STAG1: variants seen among roughly 807,000 people sequenced by gnomAD.
STAG1 encodes STAG1 cohesin complex component.
In STAG1, 26 loss-of-function variants were observed where a neutral mutation model predicts 170.9. The observed-to-expected ratio is 0.15, with a 90% CI of 0.11 to 0.21. The LOEUF (loss-of-function observed/expected upper bound fraction) is 0.21, where lower values mean the gene tolerates loss of function less well. STAG1 is among the 10% of genes least tolerant of loss of function. The probability of loss-of-function intolerance (pLI) is 1.00; values close to 1 mark genes in which losing one functional copy is unlikely to be tolerated. For missense variants in STAG1, 964 were observed against 1,509.5 expected (o/e 0.64, Z 5.99); for synonymous variants, 514 against 497.7 (o/e 1.03, Z -0.44).
intron 9 of STAG1, among the ~76,000 whole-genome samples, chr3:136,496,250 G>C (rs1374499361): frequency 1.3e-5 from 2 of 152,166 alleles, no homozygotes; most frequent in Non-Finnish European, 2.9e-5. Context: ...TCAGTAAAGA[G>C]AGAGAAGACT....
chr3:136,664,080 G>A (rs1304943474), intron 1 of STAG1, among the ~76,000 whole-genome samples: 2 of 152,160 alleles, frequency 1.3e-5, no homozygotes, highest in Non-Finnish European at 2.9e-5. Context: ...TGACAGCAAG[G>A]CTGTCAGCTT....
chr3:136,704,821 CAAAAA>C (rs67207510), intron 1 of STAG1, among the ~76,000 whole-genome samples: 3 of 51,424 alleles, frequency 5.8e-5, no homozygotes, highest in Admixed American at 2.6e-4. Context: ...GTCCCTGTCT[CAAAAA>C]AAAAAAAAAA....
At chr3:136,713,291 A>C (rs1447972337) in intron 1 of STAG1, among the ~76,000 whole-genome samples, 2 of 152,012 alleles carry the variant, frequency 1.3e-5, no homozygotes, top group African/African-American at 2.4e-5. Flanking sequence ...AGACACAAAA[A>C]ATAGTGTGCA....
chr3:136,585,114 C>A (rs1937743530), intron 4 of STAG1, among the ~76,000 whole-genome samples: 1 of 152,076 alleles, frequency 6.6e-6, no homozygotes, highest in Non-Finnish European at 1.5e-5. Context: ...ATTATTTTAC[C>A]TGTCCTAGAT....
chr3:136,396,186 G>A (rs888994370), intron 22 of STAG1, among the ~76,000 whole-genome samples: 3 of 149,874 alleles, frequency 2.0e-5, no homozygotes, highest in Admixed American at 6.7e-5. Context: ...ACAGGCGTGA[G>A]CCGCCAGGCC....
chr3:136,493,394 C>T (rs1330949907), intron 9 of STAG1, among the ~76,000 whole-genome samples: 1 of 152,012 alleles, frequency 6.6e-6, no homozygotes. Context: ...ATGGCTCACA[C>T]CTGTAATCCC....
chr3:136,454,089 T>C (rs2089028749), intron 13 of STAG1, among the ~76,000 whole-genome samples: 1 of 152,132 alleles, frequency 6.6e-6, no homozygotes, highest in Non-Finnish European at 1.5e-5. Flanking sequence ...AACTGAAATA[T>C]ACCAATCTAT....
chr3:136,591,084 T>C (rs1228124374), intron 4 of STAG1, among the ~76,000 whole-genome samples: 2 of 151,534 alleles, frequency 1.3e-5, no homozygotes, highest in East Asian at 1.9e-4. Flanking sequence ...AGATTTGTTA[T>C]ATTAAGAAAG....
chr3:136,745,407 T>C (rs1934884157), intron 1 of STAG1, among the ~76,000 whole-genome samples: 1 of 152,158 alleles, frequency 6.6e-6, no homozygotes, highest in Non-Finnish European at 1.5e-5. Context: ...CCCCAACGTT[T>C]TTGGTACCAG....
chr3:136,532,570 T>C (rs976220755), intron 6 of STAG1, among the ~76,000 whole-genome samples: 1 of 152,142 alleles, frequency 6.6e-6, no homozygotes, highest in African/African-American at 2.4e-5. Context: ...TAATACACCA[T>C]GATCAAGCAA....
At chr3:136,412,995 T>C (rs533256114) in intron 21 of STAG1, among the ~76,000 whole-genome samples, 2 of 151,404 alleles carry the variant, frequency 1.3e-5, no homozygotes, top group East Asian at 3.9e-4. Context: ...CCTAAGTAGC[T>C]GGGATTACAG....
At chr3:136,680,719 T>C (rs2107886458) in intron 1 of STAG1, among the ~76,000 whole-genome samples, 1 of 151,592 alleles carries the variant, frequency 6.6e-6, no homozygotes, top group Non-Finnish European at 1.5e-5. Flanking sequence ...CATAACAAGA[T>C]AAAGAAACCT....
In STAG1 at chr3:136,446,471, G is replaced by C. The variant is rs576959498; in HGVS notation, c.1429-3067C>G. Among the ~76,000 whole-genome samples, 6 of 151,778 alleles carry C rather than the reference G, an allele frequency of 4.0e-5. No individual in the cohort carries two copies. In the East Asian group the frequency reaches 9.8e-4, roughly 25 times the overall value. On this transcript the variant is annotated intron_variant, in intron 14 of 33. Transcript: ENST00000383202. Reference sequence around the variant, plus strand: ...AGAGTCTCACTCTGTCGCCCAGCCTGGAATGCTACGGCATGATCTCGGCTC... The same window carrying C: ...AGAGTCTCACTCTGTCGCCCAGCCTCGAATGCTACGGCATGATCTCGGCTC...
intron 1 of STAG1, among the ~76,000 whole-genome samples, chr3:136,689,924 C>G (rs1389963172): frequency 6.6e-6 from 1 of 151,618 alleles, no homozygotes; most frequent in East Asian, 1.9e-4. Context: ...TGCCTATAAT[C>G]CCAGCTACTC....
chr3:136,721,970 C>T (rs1255541060), intron 1 of STAG1, among the ~76,000 whole-genome samples: 1 of 150,642 alleles, frequency 6.6e-6, no homozygotes, highest in East Asian at 1.9e-4. Context: ...ACCTGTAATC[C>T]CAGCACTTTG....
chr3:136,486,195 C>G (rs962077668), intron 9 of STAG1, among the ~76,000 whole-genome samples: 1 of 152,208 alleles, frequency 6.6e-6, no homozygotes, highest in Admixed American at 6.5e-5. Context: ...ACATAGTCAA[C>G]AACATCTGTG....
At chr3:136,564,488 A>T (rs1190746050) in intron 5 of STAG1, among the ~76,000 whole-genome samples, 1 of 152,202 alleles carries the variant, frequency 6.6e-6, no homozygotes, top group Non-Finnish European at 1.5e-5. Context: ...CCCTTTTGTA[A>T]TAAGTAAAAA....
chr3:136,698,694 A>AT (rs1174954351), intron 1 of STAG1, among the ~76,000 whole-genome samples: 1 of 152,212 alleles, frequency 6.6e-6, no homozygotes, highest in Non-Finnish European at 1.5e-5. Context: ...TTCCGTTTGT[A>AT]TGGGTATCTT....
At chr3:136,549,127 G>A (rs1224938500) in intron 5 of STAG1, among the ~76,000 whole-genome samples, 1 of 152,086 alleles carries the variant, frequency 6.6e-6, no homozygotes, top group Non-Finnish European at 1.5e-5. Flanking sequence ...CACCTCTTAA[G>A]TTTATTCCCA....
Sources: allele counts gnomAD v4.1 joint callset (sites outside exome capture counted in the v4.1 genomes callset), GRCh38; gene constraint gnomAD v4.1.1; transcripts MANE v1.5; gene names NCBI Gene and HGNC (gene_info 2026-07-23, HGNC 2026-07-21).